Variants in BAZ2B observed in about 807,000 individuals in gnomAD.
The protein encoded by BAZ2B is bromodomain adjacent to zinc finger domain protein 2B.
A neutral mutation model predicts 246.0 loss-of-function variants in BAZ2B; 91 were observed. The observed-to-expected ratio is 0.37, with a 90% confidence interval of 0.31 to 0.44. The LOEUF is 0.44. BAZ2B is among the 20% of genes least tolerant of loss of function. BAZ2B has a pLI of 1.00. For synonymous variants in BAZ2B, 855 were observed against 860.0 expected (o/e 0.99, Z 0.10); for missense variants, 2,332 against 2,533.7 (o/e 0.92, Z 1.71).
chr2:159,561,542 G>A (rs1436182612), intron 1 of BAZ2B, among the ~76,000 whole-genome samples: 1 of 152,176 alleles, frequency 6.6e-6, no homozygotes, highest in African/African-American at 2.4e-5. Context: ...ACCAAATGTG[G>A]TTACTGAGCA....
Position 159,428,437 on chromosome 2 carries a change from G to A in BAZ2B, c.2256-18C>T. The A allele has an allele frequency of 1.3e-6, 2 of 1,570,412 alleles. No individual in the cohort carries two copies. The highest frequency in any genetic ancestry group is 1.1e-5 in the South Asian group (1 of 89,130). ...TCTGCCAGCTACACATAACAGAAAT[G>A]AAGGTTATGACATACTTAATTTCAA... On this transcript the variant is annotated intron_variant, in intron 11 of 36. Transcript: ENST00000392783.
chr2:159,361,166 C>A (rs2059648665), intron 27 of BAZ2B, among the ~76,000 whole-genome samples: 2 of 152,144 alleles, frequency 1.3e-5, no homozygotes, highest in African/African-American at 4.8e-5. Flanking sequence ...GAACAGGCAG[C>A]TTACAGAATG....
At chr2:159,626,207 T>C in the BAZ2B span, among the ~76,000 whole-genome samples, 9 of 152,206 alleles carry the variant, frequency 5.9e-5, no homozygotes, top group African/African-American at 2.2e-4. Flanking sequence ...CAAAGAGACT[T>C]AGACTCCCAC....
intron 3 of BAZ2B, among the ~76,000 whole-genome samples, chr2:159,477,044 G>A (rs911280006): frequency 2.6e-5 from 4 of 152,116 alleles, no homozygotes; most frequent in Admixed American, 6.6e-5. Context: ...GGTGGCTCAC[G>A]CCTGTAATCC....
At chr2:159,661,442 T>C in the BAZ2B span, among the ~76,000 whole-genome samples, 2 of 152,248 alleles carry the variant, frequency 1.3e-5, no homozygotes, top group African/African-American at 2.4e-5. Flanking sequence ...CCTCTTTTTT[T>C]CTTGGGCAAA....
At chr2:159,600,647 A>G (rs1691915751) in intron 1 of BAZ2B, among the ~76,000 whole-genome samples, 1 of 152,258 alleles carries the variant, frequency 6.6e-6, no homozygotes, top group Non-Finnish European at 1.5e-5. Flanking sequence ...TCTTTTAATA[A>G]GACTGATTCT....
At chr2:159,606,003 T>C (rs974074974) in intron 1 of BAZ2B, among the ~76,000 whole-genome samples, 20 of 152,322 alleles carry the variant, frequency 1.3e-4, no homozygotes, top group African/African-American at 4.8e-4. Flanking sequence ...CACACTGCCC[T>C]TCCCTAACCC....
At chr2:159,703,931 A>G in the BAZ2B span, among the ~76,000 whole-genome samples, 5 of 152,184 alleles carry the variant, frequency 3.3e-5, no homozygotes, top group Non-Finnish European at 4.4e-5. Context: ...TCAAACTACA[A>G]CAATCAACCA....
At chr2:159,394,404 G>A (rs2063733743) in intron 20 of BAZ2B, among the ~76,000 whole-genome samples, 1 of 152,064 alleles carries the variant, frequency 6.6e-6, no homozygotes, top group African/African-American at 2.4e-5. Context: ...CAGAGATTAT[G>A]GTTACAATTC....
chr2:159,580,929 A>C (rs995521439), intron 1 of BAZ2B, among the ~76,000 whole-genome samples: 16 of 152,242 alleles, frequency 1.1e-4, no homozygotes, highest in African/African-American at 3.9e-4. Context: ...AGATGGATTA[A>C]AGACTTAAAT....
At chr2:159,468,311 AAACAAC>A (rs199886147) in intron 3 of BAZ2B, among the ~76,000 whole-genome samples, 385 of 152,194 alleles carry the variant, frequency 2.5e-3, no homozygotes, top group Middle Eastern at 0.01. Context: ...CTTAGAAGAA[AAACAAC>A]AACAACAACA....
In BAZ2B at chr2:159,349,147, T is replaced by C. The variant is rs761327591; in HGVS notation, c.4997A>G (p.Asn1666Ser). 2.5e-6 allele frequency: 4 copies of C among 1,614,054 alleles called. No homozygotes were observed. The South Asian group carries it at 4.4e-5, about 18-fold the overall frequency. The change falls in exon 29 of 37, where the codon AAT (asparagine) becomes AGT (serine). Residue 1666 changes from asparagine to serine, a missense_variant. Around this residue, in one of 9 missense-constraint regions of BAZ2B, gnomAD observed 676 missense variants for 668.6 expected, o/e 1.01. Transcript: ENST00000392783. Reference sequence around the variant, plus strand: ...AGCAACATTGGAAGTCAAGAATGAATTACCATTTCCTTCTGATAACCCTAA... The same window carrying C: ...AGCAACATTGGAAGTCAAGAATGAACTACCATTTCCTTCTGATAACCCTAA... Reference protein sequence around the residue: ...SGLGLSEGNGNSFLTSNVASS... With the variant: ...SGLGLSEGNGSSFLTSNVASS...
intron 21 of BAZ2B, among the ~76,000 whole-genome samples, chr2:159,388,234 T>C (rs2062869612): frequency 6.6e-6 from 1 of 152,120 alleles, no homozygotes; most frequent in Non-Finnish European, 1.5e-5. Context: ...ACTAATTAAG[T>C]ATAATAATAT....
intron 2 of BAZ2B, among the ~76,000 whole-genome samples, chr2:159,511,025 T>A (rs1042291990): frequency 2.0e-5 from 3 of 152,230 alleles, no homozygotes; most frequent in Non-Finnish European, 4.4e-5. Context: ...ATACTTTATT[T>A]ACCAAACTAG....
At chr2:159,563,460 A>T (rs960309805) in intron 1 of BAZ2B, among the ~76,000 whole-genome samples, 4 of 152,234 alleles carry the variant, frequency 2.6e-5, no homozygotes, top group African/African-American at 9.6e-5. Flanking sequence ...TAAGGCATAC[A>T]TACAATTAAT....
chr2:159,385,437 A>G, intron 22 of BAZ2B, 68 bp from the exon 23 acceptor site: 1 of 1,374,568 alleles, frequency 7.3e-7, no homozygotes, highest in Non-Finnish European at 1.0e-6. Flanking sequence ...AATAAGATTA[A>G]AAATCCTCAT....
chr2:159,426,820 G>A (rs2070004606), intron 13 of BAZ2B, among the ~76,000 whole-genome samples: 1 of 152,118 alleles, frequency 6.6e-6, no homozygotes, highest in Admixed American at 6.5e-5. Context: ...CTTACAGAAT[G>A]AGGGAGACCT....
intron 32 of BAZ2B, 103 bp from the exon 33 acceptor site, chr2:159,337,180 T>A: frequency 7.3e-7 from 1 of 1,376,020 alleles, no homozygotes. Flanking sequence ...CAAAAACATG[T>A]AACAGCCAAT....
intron 1 of BAZ2B, among the ~76,000 whole-genome samples, chr2:159,558,812 G>T (rs1255250379): frequency 1.3e-5 from 2 of 152,118 alleles, no homozygotes; most frequent in Non-Finnish European, 2.9e-5. Flanking sequence ...CATGAAGAAA[G>T]ATTTCCAAAG....
Sources: allele counts gnomAD v4.1 joint callset (sites outside exome capture counted in the v4.1 genomes callset), GRCh38; gene constraint gnomAD v4.1.1; regional missense constraint gnomAD v4.1.1; transcripts MANE v1.5; gene names NCBI Gene and HGNC (gene_info 2026-07-23, HGNC 2026-07-21).